SYT1: variants seen among roughly 807,000 people sequenced by gnomAD.
SYT1 encodes synaptotagmin 1.
In SYT1, 8 loss-of-function variants were observed where a neutral mutation model predicts 44.8. The ratio of observed to expected loss-of-function variants is 0.18; its 90% confidence interval spans 0.10 to 0.32. The LOEUF (loss-of-function observed/expected upper bound fraction) is 0.32. Ranked by LOEUF, SYT1 falls within the 10% of genes least tolerant of loss-of-function variation. The probability of loss-of-function intolerance (pLI) is 1.00; values close to 1 mark genes in which losing one functional copy is unlikely to be tolerated. For missense variants in SYT1, 286 were observed against 509.3 expected, an observed-to-expected ratio of 0.56 and a Z score of 4.22; for synonymous variants, 154 against 188.8, an observed-to-expected ratio of 0.82 and a Z score of 1.51.
At chr12:78,974,706 C>G (rs1216719770) in intron 1 of SYT1, among the ~76,000 whole-genome samples, 1 of 152,008 alleles carries the variant, frequency 6.6e-6, no homozygotes, top group South Asian at 2.1e-4. Context: ...AAAGTGCTCG[C>G]ATTACAGGCG....
intron 4 of SYT1, among the ~76,000 whole-genome samples, chr12:79,282,341 T>C (rs1328667472): frequency 6.6e-6 from 1 of 152,222 alleles, no homozygotes; most frequent in African/African-American, 2.4e-5. Context: ...TTAATTATTA[T>C]GTATCAATTT....
intron 3 of SYT1, among the ~76,000 whole-genome samples, chr12:79,187,894 A>G (rs1872894302): frequency 6.6e-6 from 1 of 152,160 alleles, no homozygotes; most frequent in South Asian, 2.1e-4. Context: ...GCTAATCTTT[A>G]CATTCTGTTT....
intron 1 of SYT1, among the ~76,000 whole-genome samples, chr12:78,938,268 C>T (rs1878170458): frequency 6.6e-6 from 1 of 152,076 alleles, no homozygotes; most frequent in Non-Finnish European, 1.5e-5. Context: ...TACCTGCAAA[C>T]AGCCATCAGC....
intron 3 of SYT1, among the ~76,000 whole-genome samples, chr12:79,062,187 G>C (rs1360326535): frequency 6.6e-6 from 1 of 152,022 alleles, no homozygotes; most frequent in Non-Finnish European, 1.5e-5. Flanking sequence ...AGCTTCCCTA[G>C]GTCTATGTAG....
At chr12:79,320,307 T>C (rs1473169937) in intron 8 of SYT1, among the ~76,000 whole-genome samples, 1 of 152,192 alleles carries the variant, frequency 6.6e-6, no homozygotes, top group East Asian at 1.9e-4. Flanking sequence ...ACATGCTGCA[T>C]CTTACAAAAC....
intron 9 of SYT1, among the ~76,000 whole-genome samples, chr12:79,417,783 T>A (rs1868840823): frequency 6.6e-6 from 1 of 152,042 alleles, no homozygotes; most frequent in Non-Finnish European, 1.5e-5. Flanking sequence ...GTCATCATAG[T>A]ATCCCCCCAC....
At chr12:79,380,392 T>G (rs1323474009) in intron 9 of SYT1, among the ~76,000 whole-genome samples, 3 of 152,184 alleles carry the variant, frequency 2.0e-5, no homozygotes, top group Admixed American at 6.5e-5. Context: ...ATGAAGAATT[T>G]TTTGTTTATT....
chr12:79,328,271 GT>G (rs1257706970), intron 8 of SYT1, among the ~76,000 whole-genome samples: 1 of 152,200 alleles, frequency 6.6e-6, no homozygotes, highest in Non-Finnish European at 1.5e-5. Flanking sequence ...ATTTCAATTA[GT>G]TTGGTTGACT....
chr12:78,869,979 G>C (rs1001003946), intron 1 of SYT1, among the ~76,000 whole-genome samples: 1 of 152,064 alleles, frequency 6.6e-6, no homozygotes, highest in African/African-American at 2.4e-5. Flanking sequence ...TTTTGTTAAA[G>C]AGGAGCTCTA....
chr12:79,191,056 T>C (rs1356757034), intron 3 of SYT1, among the ~76,000 whole-genome samples: 1 of 151,598 alleles, frequency 6.6e-6, no homozygotes, highest in African/African-American at 2.4e-5. Flanking sequence ...GTATAATACA[T>C]ATATTACTGG....
chr12:79,168,841 C>G (rs940555187), intron 3 of SYT1, among the ~76,000 whole-genome samples: 1 of 151,956 alleles, frequency 6.6e-6, no homozygotes, highest in African/African-American at 2.4e-5. Flanking sequence ...TTTAACGAGG[C>G]CTCAGTGATA....
chr12:79,179,927 GTTC>G lies in SYT1; in HGVS notation c.-17-37572_-17-37570del, dbSNP rs569113341. Among the ~76,000 whole-genome samples, 751 of 152,066 alleles carry G rather than the reference GTTC, an allele frequency of 4.9e-3. 6 individuals are homozygous for G. The highest frequency in any genetic ancestry group is 0.017 in the African/African-American group (701 of 41,522). On this transcript the variant is annotated intron_variant, in intron 3 of 10. Coordinates refer to ENST00000261205, the MANE Select transcript of SYT1 (RefSeq NM_005639.3). ...CTTTATTCTTTTTTATGGCTCCATAGTTCTTCATTTTATGGATCTATCAGAATT... is the reference window on the plus strand; with the variant it reads ...CTTTATTCTTTTTTATGGCTCCATAGTTCATTTTATGGATCTATCAGAATT...
intron 1 of SYT1, among the ~76,000 whole-genome samples, chr12:78,911,599 A>G (rs938129230): frequency 6.6e-6 from 1 of 151,982 alleles, no homozygotes; most frequent in African/African-American, 2.4e-5. Flanking sequence ...AGATCACCTA[A>G]AAACTGAAAA....
chr12:79,028,585 AAC>A (rs1266441576), intron 2 of SYT1, among the ~76,000 whole-genome samples: 2 of 151,266 alleles, frequency 1.3e-5, no homozygotes, highest in African/African-American at 4.8e-5. Context: ...TTGTTGGATA[AAC>A]AAAAATTTGA....
chr12:79,026,664 A>ATTT (rs1309697584), intron 2 of SYT1, among the ~76,000 whole-genome samples: 1 of 83,020 alleles, frequency 1.2e-5, no homozygotes, highest in Non-Finnish European at 2.3e-5. Flanking sequence ...ATACATATAT[A>ATTT]TTTTATATAT....
At chr12:79,223,249 A>G (rs181066844) in intron 4 of SYT1, among the ~76,000 whole-genome samples, 1 of 152,194 alleles carries the variant, frequency 6.6e-6, no homozygotes, top group African/African-American at 2.4e-5. Flanking sequence ...GTCTTCATAG[A>G]CAGGCTTTGT....
chr12:78,956,407 T>C (rs1879220561), intron 1 of SYT1, among the ~76,000 whole-genome samples: 1 of 151,972 alleles, frequency 6.6e-6, no homozygotes, highest in Admixed American at 6.6e-5. Flanking sequence ...ATGGGTAAAA[T>C]TGGGGAAACA....
At chr12:79,044,797 T>G (rs1328521405) in intron 2 of SYT1, among the ~76,000 whole-genome samples, 99 of 149,836 alleles carry the variant, frequency 6.6e-4, no homozygotes, top group South Asian at 1.3e-3. Context: ...GATGTACAGA[T>G]GGGTTTTTGG....
At chr12:79,101,494 CA>C (rs1878442959) in intron 3 of SYT1, among the ~76,000 whole-genome samples, 1 of 152,112 alleles carries the variant, frequency 6.6e-6, no homozygotes, top group Admixed American at 6.6e-5. Flanking sequence ...ATACAAGGTA[CA>C]AAGTTTTAGA....
Sources: allele counts gnomAD v4.1 joint callset (sites outside exome capture counted in the v4.1 genomes callset), GRCh38; gene constraint gnomAD v4.1.1; transcripts MANE v1.5; gene names NCBI Gene and HGNC (gene_info 2026-07-23, HGNC 2026-07-21).